The following KIF1A variants were observed in gnomAD, a reference collection of about 807,000 sequenced individuals.
KIF1A encodes the protein kinesin-like protein KIF1A.
KIF1A carries 46 observed loss-of-function variants against 227.3 expected under a neutral mutation model. That is an observed-to-expected ratio of 0.20 (90% confidence interval 0.16 to 0.26). The LOEUF is 0.26. Among genes scored for constraint, KIF1A ranks in the 10% least tolerant of loss-of-function variants. KIF1A has a pLI of 1.00. For synonymous variants in KIF1A, 1,022 were observed against 1,012.8 expected, an observed-to-expected ratio of 1.01 and a Z score of -0.17; for missense variants, 1,683 against 2,485.9, an observed-to-expected ratio of 0.68 and a Z score of 6.87.
Position 240,752,553 on chromosome 2 carries a change from G to C in KIF1A, c.2859-2006C>G, listed in dbSNP as rs550052286. On this transcript the variant is annotated intron_variant, in intron 27 of 48. Transcript: ENST00000498729. The surrounding 1 kb of genome is among the most constrained non-coding windows in gnomAD (Gnocchi z 6.4). ...GAGCAAAGCTAAGTTGTCCAGGAGT[G>C]GGGGTGGGGAGAGCCAGAACTTGGG... Among the ~76,000 whole-genome samples, 2 of 152,228 alleles carry C rather than the reference G, an allele frequency of 1.3e-5. No homozygotes were observed. Among genetic ancestry groups the C allele is most frequent in the East Asian group, 1.9e-4 (1 of 5,160 alleles).
At chr2:240,717,822 C>T (rs981503678) in intron 48 of KIF1A, among the ~76,000 whole-genome samples, 1 of 152,240 alleles carries the variant, frequency 6.6e-6, no homozygotes, top group Non-Finnish European at 1.5e-5. Flanking sequence ...CGCTGCCTTC[C>T]ACTGGCCGCA....
Position 240,788,801 on chromosome 2 carries a change from CTTCT to C in KIF1A, c.183+431_183+434del. Among the ~76,000 whole-genome samples, 1 of 152,200 alleles carries C rather than the reference CTTCT, an allele frequency of 6.6e-6. No homozygotes were observed. Among genetic ancestry groups the C allele is most frequent in the East Asian group, 1.9e-4 (1 of 5,170 alleles). On this transcript the variant is annotated intron_variant, in intron 3 of 48. Transcript: ENST00000498729. This position sits in a 1 kb window ranked among gnomAD's most constrained non-coding sequence, Gnocchi z 6.6. ...GGGCTTAGATGAGGAGGCTGCATGC[CTTCT>C]TCTAGAAGGGTCCAGGAGGTGGCAG...
At chr2:240,718,014 C>A in intron 48 of KIF1A, 36 bp downstream of exon 48, 2 of 1,406,644 alleles carry the variant, frequency 1.4e-6, no homozygotes, top group Non-Finnish European at 2.0e-6. Context: ...GGGCAGGACC[C>A]CCATGGCAGC....
chr2:240,736,270 T>C lies in KIF1A; in HGVS notation c.4007+793A>G, dbSNP rs2047310199. Among the ~76,000 whole-genome samples the C allele has an allele frequency of 6.6e-6, 1 of 152,140 alleles. No individual in the cohort carries two copies. Among genetic ancestry groups the C allele is most frequent in the African/African-American group, 2.4e-5 (1 of 41,442 alleles). The stretch of plus-strand genomic sequence containing the variant: ...CGGCTTCAGCTCTGAGGGTCCACTC[T>C]GGGCTTGTGCATCATGAGCCAGGTC... On this transcript the variant is annotated intron_variant, in intron 38 of 48. Coordinates refer to ENST00000498729, the MANE Select transcript of KIF1A (RefSeq NM_001244008.2). This position sits in a 1 kb window ranked among gnomAD's most constrained non-coding sequence, Gnocchi z 4.7.
intron 43 of KIF1A, 141 bp from the exon 44 acceptor site, chr2:240,722,025 C>T: frequency 3.0e-6 from 2 of 670,708 alleles, no homozygotes; most frequent in Non-Finnish European, 5.3e-6. Flanking sequence ...GTGGGCAGCA[C>T]CTCCACCCCG....
At position 240,744,069 on chromosome 2, in the gene KIF1A, C is replaced by A. The variant is rs1359954480; in HGVS notation, c.3466-9G>T. The A allele has an allele frequency of 1.3e-6, 2 of 1,584,402 alleles. No individual in the cohort carries two copies. The highest frequency in any genetic ancestry group is 1.7e-6 in the Non-Finnish European group (2 of 1,153,150). Reference sequence around the variant, plus strand: ...GTCACCTCCACTGCGATCTGGTGGGCAGGCAGGTGGGAGGACAGGAGGGCA... The same window carrying A: ...GTCACCTCCACTGCGATCTGGTGGGAAGGCAGGTGGGAGGACAGGAGGGCA... On this transcript the variant is annotated splice_polypyrimidine_tract_variant and intron_variant, in intron 32 of 48. Coordinates refer to ENST00000498729, the MANE Select transcript of KIF1A (RefSeq NM_001244008.2).
intron 28 of KIF1A, among the ~76,000 whole-genome samples, chr2:240,749,075 C>T (rs1450689013): frequency 6.6e-6 from 1 of 151,164 alleles, no homozygotes; most frequent in African/African-American, 2.4e-5. Context: ...CACAGTGAGC[C>T]GAGATCCAGC....
chr2:240,807,094 GT>G (rs2057469720), intron 1 of KIF1A, among the ~76,000 whole-genome samples: 1 of 93,060 alleles, frequency 1.1e-5, no homozygotes, highest in Non-Finnish European at 2.1e-5. Flanking sequence ...GTGTGTGTGT[GT>G]GTGTGTGTGT....
rs762568500 is a variant in KIF1A at position 240,724,039 on chromosome 2, G to A, written c.4257-3C>T. On this transcript the variant is annotated splice_polypyrimidine_tract_variant and splice_region_variant and intron_variant, in intron 40 of 48. Coordinates refer to ENST00000498729, the MANE Select transcript of KIF1A (RefSeq NM_001244008.2). ...CGTACACACCAGTCACACGGTTACT[G>A]TGGGGAGTAGAAGGAGTGACATGCA... The A allele has an allele frequency of 1.2e-6, 2 of 1,612,412 alleles. No homozygotes were observed. Among genetic ancestry groups the A allele is most frequent in the Admixed American group, 1.7e-5 (1 of 60,022 alleles).
chr2:240,724,049 G>T lies in KIF1A; in HGVS notation c.4257-13C>A, dbSNP rs2125609051. Reference sequence around the variant, plus strand: ...AGTCACACGGTTACTGTGGGGAGTAGAAGGAGTGACATGCAGTCACCAGGC... The same window carrying T: ...AGTCACACGGTTACTGTGGGGAGTATAAGGAGTGACATGCAGTCACCAGGC... On this transcript the variant is annotated splice_polypyrimidine_tract_variant and intron_variant, in intron 40 of 48. Transcript: ENST00000498729. The T allele has an allele frequency of 6.2e-7, 1 of 1,611,796 alleles. No individual in the cohort carries two copies. The highest frequency in any genetic ancestry group is 8.5e-7 in the Non-Finnish European group (1 of 1,179,126).
intron 1 of KIF1A, among the ~76,000 whole-genome samples, chr2:240,817,509 C>T (rs559137296): frequency 5.0e-4 from 76 of 152,324 alleles, no homozygotes; most frequent in South Asian, 1.0e-3. Context: ...CCCGTGGTAG[C>T]GGCTCAGGCC....
At chr2:240,761,922 C>T (rs1018412429) in intron 23 of KIF1A, among the ~76,000 whole-genome samples, 1 of 152,074 alleles carries the variant, frequency 6.6e-6, no homozygotes, top group East Asian at 1.9e-4. Flanking sequence ...GGCCCTGGCC[C>T]GTACACTCTC....
In KIF1A at chr2:240,772,590, G is replaced by A; in HGVS notation, c.1187C>T (p.Thr396Ile). The part of the protein sequence containing the change: ...QGLGDITDTN[T>I]VPGGPKLTNA... Reference sequence around the variant, plus strand: ...CACACATTTGGGTCCTCCAGGCACAGTGTTGGCTATGGGGGAGGGAAGCGT... The same window carrying A: ...CACACATTTGGGTCCTCCAGGCACAATGTTGGCTATGGGGGAGGGAAGCGT... The change falls in exon 14 of 49, where the codon ACT becomes ATT. Residue 396 changes from threonine to isoleucine, a missense_variant. Coordinates refer to ENST00000498729, the MANE Select transcript of KIF1A (RefSeq NM_001244008.2). The A allele has an allele frequency of 6.5e-7, 1 of 1,547,834 alleles. No individual in the cohort carries two copies. Among genetic ancestry groups the A allele is most frequent in the Non-Finnish European group, 8.7e-7 (1 of 1,144,650 alleles).
rs1472781226 is a variant in KIF1A at position 240,746,092 on chromosome 2, T to C, written c.3149A>G (p.Gln1050Arg). Residue 1050 changes from glutamine (Q) to arginine (R), a missense_variant, in exon 30 of 49, where the codon CAG becomes CGG. Physicochemically the swap from Gln to Arg is conservative, Grantham distance 43. Coordinates refer to ENST00000498729, the MANE Select transcript of KIF1A (RefSeq NM_001244008.2). ...EELRIVEGQG[Q>R]GADVGPSADE... ...GGCTGAGGGCCCCACGTCTGCACCC[T>C]GGCCCTGGCCCTCCACGATGCGAAG... is the stretch of plus-strand genomic sequence containing the variant. 6 of 1,591,798 alleles carry C rather than the reference T, an allele frequency of 3.8e-6. No individual in the cohort carries two copies. The highest frequency in any genetic ancestry group is 2.3e-5 in the East Asian group (1 of 43,796).
intron 12 of KIF1A, among the ~76,000 whole-genome samples, chr2:240,773,943 G>A (rs558613007): frequency 3.3e-5 from 5 of 152,180 alleles, no homozygotes; most frequent in Admixed American, 6.5e-5. Flanking sequence ...CTGGTGCCAC[G>A]GGGCCCTGGG....
rs2049389393 is a variant in KIF1A at position 240,752,861 on chromosome 2, G to A, written c.2859-2314C>T. ...GGACCTGGGACCACTCCCACTGTGG[G>A]CCAGGTGAGGACACTCAGGCACGGG... On this transcript the variant is annotated intron_variant, in intron 27 of 48. Coordinates refer to ENST00000498729, the MANE Select transcript of KIF1A (RefSeq NM_001244008.2). The surrounding 1 kb of genome is among the most constrained non-coding windows in gnomAD (Gnocchi z 6.4). 6.6e-6 allele frequency among the ~76,000 whole-genome samples: 1 copy of A among 152,198 alleles called. No homozygotes were observed. Among genetic ancestry groups the A allele is most frequent in the African/African-American group, 2.4e-5 (1 of 41,452 alleles).
At chr2:240,724,880 A>C (rs1318797137) in intron 40 of KIF1A, 2 of 171,506 alleles carry the variant, frequency 1.2e-5, no homozygotes, top group African/African-American at 5.7e-5. Context: ...CCTTGTGGGC[A>C]GTCAGTCCCA....
At position 240,743,639 on chromosome 2, in the gene KIF1A, C is replaced by A. The variant is rs1460680188; in HGVS notation, c.3584+303G>T. On this transcript the variant is annotated intron_variant, in intron 33 of 48. Transcript: ENST00000498729. Reference sequence around the variant, plus strand: ...CCTCGGTGGGCAGCAGAAGTGGTCTCCCCGGGGCCACCCCAGCATCCTACA... The same window carrying A: ...CCTCGGTGGGCAGCAGAAGTGGTCTACCCGGGGCCACCCCAGCATCCTACA... Among the ~76,000 whole-genome samples, 6 of 152,178 alleles carry A rather than the reference C, an allele frequency of 3.9e-5. No individual in the cohort carries two copies. The East Asian group carries it at 1.2e-3, about 29-fold the overall frequency.
intron 1 of KIF1A, among the ~76,000 whole-genome samples, chr2:240,818,508 C>T (rs114195051): frequency 0.01 from 1,568 of 152,326 alleles, 23 homozygotes; most frequent in African/African-American, 0.036. Flanking sequence ...CATCCCACAC[C>T]CTGCACCGCA....
Sources: allele counts gnomAD v4.1 joint callset (sites outside exome capture counted in the v4.1 genomes callset), GRCh38; gene constraint gnomAD v4.1.1; non-coding constraint Gnocchi (gnomAD v3.1); transcripts MANE v1.5; gene names NCBI Gene and HGNC (gene_info 2026-07-23, HGNC 2026-07-21).